Variants in PRUNE2 observed in about 807,000 individuals in gnomAD.
PRUNE2 encodes the protein protein prune homolog 2.
A neutral mutation model predicts 252.0 loss-of-function variants in PRUNE2; 164 were observed. The ratio of observed to expected loss-of-function variants is 0.65; its 90% confidence interval spans 0.57 to 0.74. The LOEUF is 0.74. PRUNE2 is among the 30% of genes least tolerant of loss of function. The pLI is 0.00. For synonymous variants in PRUNE2, 1,292 were observed against 1,350.2 expected (o/e 0.96, Z 0.94); for missense variants, 3,495 against 3,711.0 (o/e 0.94, Z 1.51).
In PRUNE2 at chr9:76,705,019, C is replaced by A. The variant is rs1175355387; in HGVS notation, c.7255G>T (p.Asp2419Tyr). The change falls in exon 8 of 19, where the codon GAT becomes TAT. Residue 2419 changes from aspartate (D) to tyrosine (Y), a missense_variant. Physicochemically the swap from Asp to Tyr is radical, Grantham distance 160 (BLOSUM62 -3). Coordinates refer to ENST00000376718, the MANE Select transcript of PRUNE2 (RefSeq NM_015225.3). The part of the protein sequence containing the change: ...ETIEEAGSPE[D>Y]ESLGCRAAEI... Reference sequence around the variant, plus strand: ...GCTGCTCTGCATCCCAGAGATTCATCCTCTGGAGACCCAGCTTCCTCTATT... The same window carrying A: ...GCTGCTCTGCATCCCAGAGATTCATACTCTGGAGACCCAGCTTCCTCTATT... 1 of 1,613,876 alleles carries A rather than the reference C, an allele frequency of 6.2e-7. No homozygotes were observed. Among genetic ancestry groups the A allele is most frequent in the Admixed American group, 1.7e-5 (1 of 60,024 alleles).
Position 76,622,175 on chromosome 9 carries a change from T to C in PRUNE2, c.9188+2277A>G, listed in dbSNP as rs1389072649. Among the ~76,000 whole-genome samples the C allele has an allele frequency of 2.0e-5, 3 of 152,220 alleles. No homozygotes were observed. In the East Asian group the frequency reaches 5.8e-4, roughly 29 times the overall value. On this transcript the variant is annotated intron_variant, in intron 17 of 18. Transcript: ENST00000376718. ...ATTAATTTATGCAGCATAAATTTAC[T>C]GAGCATCTACTATGTACCAGGCACG...
rs1465776308 is a variant in PRUNE2, at chr9:76,706,924, T to C, written c.5350A>G (p.Lys1784Glu). The C allele has an allele frequency of 9.3e-6, 15 of 1,607,658 alleles. No individual in the cohort carries two copies. Among genetic ancestry groups the C allele is most frequent in the Admixed American group, 1.7e-5 (1 of 59,260 alleles). Residue 1784 changes from lysine to glutamate, a missense_variant, in exon 8 of 19, where the codon AAG becomes GAG. Lys to Glu is a moderately conservative substitution (Grantham distance 56). Transcript: ENST00000376718. ...GTTTCTGGAGAAGATCTCTTCTCCT[T>C]CTCCACTGCTGTAATCTGCATTTCA... The part of the protein sequence containing the change: ...ETEMQITAVE[K>E]EKRSSPETGT...
At chr9:76,696,567 A>G (rs2045405392) in intron 9 of PRUNE2, among the ~76,000 whole-genome samples, 1 of 152,182 alleles carries the variant, frequency 6.6e-6, no homozygotes, top group African/African-American at 2.4e-5. Context: ...CTGGGACTAC[A>G]GGTGCCCGCC....
At chr9:76,818,625 G>C (rs185505281) in intron 6 of PRUNE2, among the ~76,000 whole-genome samples, 2 of 151,994 alleles carry the variant, frequency 1.3e-5, no homozygotes, top group Admixed American at 6.6e-5. Context: ...GAGAGAAAAC[G>C]GCCCTGAACA....
intron 15 of PRUNE2, among the ~76,000 whole-genome samples, chr9:76,634,837 T>C (rs1457968821): frequency 6.6e-6 from 1 of 152,264 alleles, no homozygotes; most frequent in African/African-American, 2.4e-5. Context: ...AATCAGTAAC[T>C]ATGCTAATGT....
intron 6 of PRUNE2, among the ~76,000 whole-genome samples, chr9:76,766,182 C>CA (rs35059224): frequency 0.36 from 40,290 of 112,004 alleles, 6,592 homozygotes; most frequent in South Asian, 0.48. Context: ...GACTCTGCCT[C>CA]AAAAAAAAAA....
intron 16 of PRUNE2, among the ~76,000 whole-genome samples, chr9:76,625,780 A>G (rs1208703753): frequency 6.6e-6 from 1 of 152,162 alleles, no homozygotes; most frequent in Non-Finnish European, 1.5e-5. Context: ...TTCTTGTTTC[A>G]TACTGTAAAC....
intron 1 of PRUNE2, among the ~76,000 whole-genome samples, chr9:76,895,460 G>A (rs1435881587): frequency 2.0e-5 from 3 of 152,098 alleles, no homozygotes; most frequent in Non-Finnish European, 2.9e-5. Context: ...CAAGAACAAG[G>A]TCTCCTATGC....
intron 4 of PRUNE2, among the ~76,000 whole-genome samples, chr9:76,831,742 A>T (rs191864519): frequency 2.6e-5 from 4 of 152,314 alleles, no homozygotes; most frequent in African/African-American, 9.6e-5. Context: ...GGAAACAAAC[A>T]TCAAAATAAT....
chr9:76,879,205 T>G (rs1425053830), intron 1 of PRUNE2, among the ~76,000 whole-genome samples: 1 of 152,238 alleles, frequency 6.6e-6, no homozygotes, highest in Non-Finnish European at 1.5e-5. Flanking sequence ...GTGTATGTGG[T>G]CTGTATGAGA....
chr9:76,722,725 G>T (rs1302047203), intron 6 of PRUNE2, among the ~76,000 whole-genome samples: 3 of 152,082 alleles, frequency 2.0e-5, no homozygotes, highest in Non-Finnish European at 4.4e-5. Context: ...AGGTAACATG[G>T]TCTCTGTTTT....
intron 1 of PRUNE2, among the ~76,000 whole-genome samples, chr9:76,869,911 A>G (rs1003782002): frequency 6.6e-6 from 1 of 152,200 alleles, no homozygotes; most frequent in African/African-American, 2.4e-5. Flanking sequence ...AAATTTTTTG[A>G]TATTATCAAT....
intron 6 of PRUNE2, chr9:76,740,420 GCCT>G (rs2049505866): frequency 6.8e-6 from 1 of 147,198 alleles, no homozygotes; most frequent in Non-Finnish European, 1.5e-5. Context: ...CTGCACTCCA[GCCT>G]GGGTGACAGA....
chr9:76,723,814 T>C (rs937503322), intron 6 of PRUNE2, among the ~76,000 whole-genome samples: 2 of 150,802 alleles, frequency 1.3e-5, no homozygotes, highest in Non-Finnish European at 3.0e-5. Flanking sequence ...ATCTTTCTTT[T>C]TTTTTTTTTT....
rs71354689 is a variant in PRUNE2 at position 76,852,806 on chromosome 9, G to GTCTATCTATCTA, written c.141+1286_141+1297dup. On this transcript the variant is annotated intron_variant, in intron 2 of 18. Coordinates refer to ENST00000376718, the MANE Select transcript of PRUNE2 (RefSeq NM_015225.3). ...TTTTTATCTAGCCATCTGTCTGTCT[G>GTCTATCTATCTA]TCTATCTATCTATCTATCTATCTAT... Among the ~76,000 whole-genome samples, 229 of 76,528 alleles carry GTCTATCTATCTA rather than the reference G, an allele frequency of 3.0e-3. 1 individual carries two copies. Among genetic ancestry groups the GTCTATCTATCTA allele is most frequent in the Middle Eastern group, 0.012 (2 of 166 alleles). The allele number at this position is 76,528 out of a possible 152,430, so 50.2% of individuals were successfully genotyped here.
chr9:76,894,850 T>C (rs1459487072), intron 1 of PRUNE2, among the ~76,000 whole-genome samples: 2 of 151,852 alleles, frequency 1.3e-5, no homozygotes, highest in East Asian at 3.9e-4. Flanking sequence ...TGAAACCCCG[T>C]CTCTGCTAAA....
At chr9:76,765,941 G>T (rs777529054) in intron 6 of PRUNE2, among the ~76,000 whole-genome samples, 12 of 152,120 alleles carry the variant, frequency 7.9e-5, no homozygotes, top group Non-Finnish European at 1.3e-4. Context: ...CCAGTACTTT[G>T]GGAGGCCAAG....
intron 6 of PRUNE2, among the ~76,000 whole-genome samples, chr9:76,771,319 A>G (rs515381): frequency 0.48 from 72,466 of 152,018 alleles, 17,679 homozygotes; most frequent in East Asian, 0.67. Flanking sequence ...TGCTGATACA[A>G]TAACAAAATG....
At chr9:76,658,871 T>G (rs57389265) in intron 9 of PRUNE2, among the ~76,000 whole-genome samples, 8,464 of 152,346 alleles carry the variant, frequency 0.056, 537 homozygotes, top group East Asian at 0.16. Context: ...CATATTGATC[T>G]TCACCAAGTA....
Sources: gnomAD v4.1 joint callset for allele counts (sites outside exome capture counted in the v4.1 genomes callset) on GRCh38, gnomAD v4.1.1 for gene constraint, MANE v1.5 for transcripts, NCBI Gene and HGNC (gene_info 2026-07-23, HGNC 2026-07-21) for gene names.